The following ZRANB1 variants were observed in gnomAD, a reference collection of about 807,000 sequenced individuals.
ZRANB1 encodes the protein zinc finger RANBP2-type containing 1, also known as ubiquitin thioesterase ZRANB1.
In ZRANB1, 16 loss-of-function variants were observed where a neutral mutation model predicts 80.5. The ratio of observed to expected loss-of-function variants is 0.20; its 90% CI spans 0.13 to 0.30. The LOEUF (loss-of-function observed/expected upper bound fraction) is 0.30. Among genes scored for constraint, ZRANB1 ranks in the 10% least tolerant of loss-of-function variants. ZRANB1 has a pLI of 1.00. For synonymous variants in ZRANB1, 291 were observed against 293.1 expected, an observed-to-expected ratio of 0.99 and a Z score of 0.07; for missense variants, 576 against 862.6, an observed-to-expected ratio of 0.67 and a Z score of 4.16.
chr10:124,939,388 T>TAG (rs1275978507), upstream of ZRANB1, among the ~76,000 whole-genome samples: 2 of 152,104 alleles, frequency 1.3e-5, no homozygotes, highest in Non-Finnish European at 2.9e-5. Flanking sequence ...ATTGCTTAGT[T>TAG]ACCTGGATTT....
At chr10:124,961,913 T>G (rs1286203368) in intron 1 of ZRANB1, among the ~76,000 whole-genome samples, 3 of 152,238 alleles carry the variant, frequency 2.0e-5, no homozygotes, top group African/African-American at 7.2e-5. Context: ...ATAGTGGATC[T>G]TAACTTGTTG....
At chr10:124,929,748 C>G in the ZRANB1 span, among the ~76,000 whole-genome samples, 1 of 151,576 alleles carries the variant, frequency 6.6e-6, no homozygotes, top group Non-Finnish European at 1.5e-5. Context: ...GAGTTCGAGA[C>G]CAGCCTGGCC....
intron 2 of ZRANB1, among the ~76,000 whole-genome samples, chr10:124,969,085 A>G (rs58997689): frequency 6.6e-6 from 1 of 152,014 alleles, no homozygotes; most frequent in South Asian, 2.1e-4. Flanking sequence ...AGGCTTCAAT[A>G]CTGTGCCATG....
chr10:124,973,771 G>T, intron 4 of ZRANB1, 55 bp downstream of exon 4: 1 of 1,488,748 alleles, frequency 6.7e-7, no homozygotes, highest in Non-Finnish European at 9.2e-7. Context: ...AGTAAGTTTT[G>T]TTTAGTAAGG....
At chr10:124,975,018 G>A (rs914892087) in intron 5 of ZRANB1, among the ~76,000 whole-genome samples, 8 of 152,194 alleles carry the variant, frequency 5.3e-5, no homozygotes, top group African/African-American at 1.7e-4. Context: ...GGGTGGCTTT[G>A]ATAATCCTGA....
At chr10:124,972,776 G>T (rs1367919327) in intron 3 of ZRANB1, among the ~76,000 whole-genome samples, 7 of 141,816 alleles carry the variant, frequency 4.9e-5, no homozygotes, top group East Asian at 2.0e-4. Context: ...TTTTGTTGCT[G>T]TTTTTTTTTT....
rs147395422 is a variant in ZRANB1, at chr10:124,973,472, T to G, written c.1157-173T>G. Among the ~76,000 whole-genome samples the G allele has an allele frequency of 1.2e-4, 19 of 152,344 alleles. No homozygotes were observed. In the East Asian group the frequency reaches 3.5e-3, roughly 28 times the overall value. ...GCACCCGGCCCAGAAAAGAAATATTTTATATCACACATGTTACACTGGTAT... is the reference window on the plus strand; with the variant it reads ...GCACCCGGCCCAGAAAAGAAATATTGTATATCACACATGTTACACTGGTAT... On this transcript the variant is annotated intron_variant, in intron 3 of 8. Coordinates refer to ENST00000359653, the MANE Select transcript of ZRANB1 (RefSeq NM_017580.3).
intron 1 of ZRANB1, among the ~76,000 whole-genome samples, chr10:124,964,640 C>T (rs930064375): frequency 6.6e-6 from 1 of 152,126 alleles, no homozygotes; most frequent in Admixed American, 6.5e-5. Context: ...GCTTTTTCAG[C>T]TAAATTGATC....
Position 124,980,310 on chromosome 10 carries a change from T to C in ZRANB1, c.1428-1399T>C, listed in dbSNP as rs559579099. ...GGTCTTGGGGTGGTGAGGATGAACA[T>C]TTTAACATGTTTAGTTTTAAAGTAT... On this transcript the variant is annotated intron_variant, in intron 5 of 8. Coordinates refer to ENST00000359653, the MANE Select transcript of ZRANB1 (RefSeq NM_017580.3). Among the ~76,000 whole-genome samples, 4 of 152,338 alleles carry C rather than the reference T, an allele frequency of 2.6e-5. No individual in the cohort carries two copies. The South Asian group carries it at 8.3e-4, about 32-fold the overall frequency.
At chr10:124,951,813 T>C (rs1951641140) in intron 1 of ZRANB1, among the ~76,000 whole-genome samples, 1 of 151,906 alleles carries the variant, frequency 6.6e-6, no homozygotes, top group Non-Finnish European at 1.5e-5. Flanking sequence ...AAAAATTAGC[T>C]GGGTGTGGTG....
rs1952084534 is a variant in ZRANB1, at chr10:124,987,504, G to A, written c.*2512G>A. 6.6e-6 allele frequency: 1 copy of A among 152,140 alleles called. No individual in the cohort carries two copies. Among genetic ancestry groups the A allele is most frequent in the Non-Finnish European group, 1.5e-5 (1 of 68,034 alleles). The allele number at this position is 152,140 out of a possible 1,614,324, so 9.4% of individuals were successfully genotyped here. On this transcript the variant is annotated 3_prime_UTR_variant, in exon 9 of 9. Transcript: ENST00000359653. ...CCAGACTTCTTCACATATTCGTGAA[G>A]GTAAGATATTCTGTGTGCGCTTGGC...
At chr10:124,960,055 G>C (rs2134270710) in intron 1 of ZRANB1, among the ~76,000 whole-genome samples, 1 of 152,318 alleles carries the variant, frequency 6.6e-6, no homozygotes, top group East Asian at 1.9e-4. Context: ...TTGGCTAACA[G>C]TATCATTTTT....
rs771782509 is a variant in ZRANB1, at chr10:124,973,629, T to G, written c.1157-16T>G. ...TATGAAACAAAAGATCTTTTAAGTT[T>G]GCATTTTCTTTGTAGATATTGAAGA... On this transcript the variant is annotated splice_polypyrimidine_tract_variant and intron_variant, in intron 3 of 8. Transcript: ENST00000359653. The G allele has an allele frequency of 1.2e-6, 2 of 1,604,712 alleles. No individual in the cohort carries two copies. Among genetic ancestry groups the G allele is most frequent in the Non-Finnish European group, 1.7e-6 (2 of 1,175,864 alleles).
intron 3 of ZRANB1, among the ~76,000 whole-genome samples, chr10:124,972,355 C>T (rs895753985): frequency 1.3e-5 from 2 of 152,074 alleles, no homozygotes; most frequent in African/African-American, 4.8e-5. Context: ...TCTTTGTGGA[C>T]CTCAGATTAT....
intron 2 of ZRANB1, among the ~76,000 whole-genome samples, chr10:124,967,566 A>G (rs1249743322): frequency 6.6e-6 from 1 of 152,092 alleles, no homozygotes; most frequent in Non-Finnish European, 1.5e-5. Context: ...AGCAGAGCAG[A>G]TTGTGTTTTG....
chr10:124,934,789 TTTAAAGCCCAGGGATTGTCTA>T, the ZRANB1 span, among the ~76,000 whole-genome samples: 1 of 152,170 alleles, frequency 6.6e-6, no homozygotes, highest in East Asian at 1.9e-4. Context: ...GTAGATGATA[TTTAAAGCCCAGGGATTGTCTA>T]AGATCCCCAA....
the ZRANB1 span, among the ~76,000 whole-genome samples, chr10:124,917,494 C>A: frequency 3.3e-5 from 5 of 151,990 alleles, no homozygotes; most frequent in East Asian, 7.8e-4. Flanking sequence ...GAGGGCGGGT[C>A]CGCCCAGCTT....
chr10:124,930,612 G>GTTTTTCC, the ZRANB1 span, among the ~76,000 whole-genome samples: 7 of 152,176 alleles, frequency 4.6e-5, no homozygotes, highest in Admixed American at 6.5e-5. Context: ...AATATCAAGA[G>GTTTTTCC]ATGAAAGTGG....
chr10:124,943,268 A>T lies in ZRANB1; in HGVS notation c.775A>T (p.Met259Leu). ...FKKLKQIKNR[M>L]KKTDWLFLNA... Reference sequence around the variant, plus strand: ...AAAACTAAAGCAAATTAAAAACAGGATGAAAAAGACTGATTGGCTCTTCCT... The same window carrying T: ...AAAACTAAAGCAAATTAAAAACAGGTTGAAAAAGACTGATTGGCTCTTCCT... Residue 259 changes from methionine to leucine, a missense_variant, in exon 1 of 9, where the codon ATG becomes TTG. Physicochemically the swap from Met to Leu is conservative, Grantham distance 15. This residue lies in a region of ZRANB1 where 411 missense variants were observed against 583.1 expected (regional missense o/e 0.70). Coordinates refer to ENST00000359653, the MANE Select transcript of ZRANB1 (RefSeq NM_017580.3). The T allele has an allele frequency of 6.2e-7, 1 of 1,614,080 alleles. No individual in the cohort carries two copies. The highest frequency in any genetic ancestry group is 8.5e-7 in the Non-Finnish European group (1 of 1,179,986).
Sources: gnomAD v4.1 joint callset for allele counts (sites outside exome capture counted in the v4.1 genomes callset) on GRCh38, gnomAD v4.1.1 for gene constraint, gnomAD v4.1.1 regional missense constraint, MANE v1.5 for transcripts, NCBI Gene and HGNC (gene_info 2026-07-23, HGNC 2026-07-21) for gene names.